Variants in LRP1 observed in about 807,000 individuals in gnomAD.
LRP1 encodes the protein prolow-density lipoprotein receptor-related protein 1.
LRP1 carries 51 observed loss-of-function variants against 541.5 expected under a neutral mutation model. The observed-to-expected ratio is 0.09, with a 90% CI of 0.08 to 0.12. The LOEUF is 0.12. LRP1 is among the 10% of genes least tolerant of loss of function. The pLI is 1.00. For missense variants in LRP1, 3,878 were observed against 6,376.2 expected (o/e 0.61, Z 13.34); for synonymous variants, 2,219 against 2,470.8 (o/e 0.90, Z 3.02).
intron 41 of LRP1, among the ~76,000 whole-genome samples, 162 bp from the exon 42 acceptor site, chr12:57,187,105 C>T (rs964341759): frequency 2.0e-5 from 3 of 152,184 alleles, no homozygotes; most frequent in Admixed American, 2.0e-4. Flanking sequence ...CTGAGTCAGA[C>T]CCTGGTGCCC....
intron 6 of LRP1, among the ~76,000 whole-genome samples, chr12:57,150,697 C>T (rs547192442): frequency 3.9e-5 from 6 of 152,272 alleles, no homozygotes; most frequent in African/African-American, 9.6e-5. Context: ...TGGTGGGAAC[C>T]GCAGCCCCCA....
intron 50 of LRP1, 99 bp from the exon 51 acceptor site, chr12:57,194,886 G>A (rs2036495860): frequency 8.6e-7 from 1 of 1,168,862 alleles, no homozygotes; most frequent in Non-Finnish European, 1.3e-6. Context: ...CCACAGAGGG[G>A]TGCTGTGGGC....
chr12:57,130,540 C>T (rs772554648), intron 1 of LRP1, among the ~76,000 whole-genome samples: 1 of 150,898 alleles, frequency 6.6e-6, no homozygotes, highest in Admixed American at 6.7e-5. Context: ...GTGTTTTTCT[C>T]TTGTTCTCAG....
Position 57,198,941 on chromosome 12 carries a change from G to A in LRP1, c.9676+271G>A, listed in dbSNP as rs12831928. On this transcript the variant is annotated intron_variant, in intron 60 of 88. Coordinates refer to ENST00000243077, the MANE Select transcript of LRP1 (RefSeq NM_002332.3). ...GGCCCCAAGGAGGGTGGGGGTGGGA[G>A]GCCTGCGATTGAGAACTGCAGTGCT... is the stretch of plus-strand genomic sequence containing the variant. 2.7e-4 allele frequency among the ~76,000 whole-genome samples: 41 copies of A among 152,188 alleles called. 1 individual carries two copies. Among genetic ancestry groups the A allele is most frequent in the Non-Finnish European group, 2.9e-5 (2 of 68,026 alleles).
Position 57,198,155 on chromosome 12 carries a change from G to T in LRP1, c.9283-1G>T, listed in dbSNP as rs2136735274. 1 of 1,601,746 alleles carries T rather than the reference G, an allele frequency of 6.2e-7. No homozygotes were observed. The highest frequency in any genetic ancestry group is 8.5e-7 in the Non-Finnish European group (1 of 1,171,556). On this transcript the variant is annotated splice_acceptor_variant, in intron 58 of 88. Coordinates refer to ENST00000243077, the MANE Select transcript of LRP1 (RefSeq NM_002332.3). LOFTEE classifies it high-confidence loss of function. ...TCTCCCTCCCCTGCCCCTTCCTGCAGGTCCTACACCGTACAGGCCTCAGCA... is the reference window on the plus strand; with the variant it reads ...TCTCCCTCCCCTGCCCCTTCCTGCATGTCCTACACCGTACAGGCCTCAGCA...
intron 6 of LRP1, among the ~76,000 whole-genome samples, chr12:57,145,756 C>G (rs899600551): frequency 5.9e-5 from 9 of 152,182 alleles, no homozygotes; most frequent in African/African-American, 2.2e-4. Flanking sequence ...CTCCAGAGAC[C>G]AGGGACTGTC....
At chr12:57,176,216 C>G in intron 24 of LRP1, 110 bp downstream of exon 24, 2 of 1,033,272 alleles carry the variant, frequency 1.9e-6, no homozygotes, top group Non-Finnish European at 2.8e-6. Flanking sequence ...CTCCCCCATC[C>G]CCCACACTTC....
intron 6 of LRP1, among the ~76,000 whole-genome samples, chr12:57,151,087 G>C (rs2035516984): frequency 1.3e-5 from 2 of 152,122 alleles, no homozygotes; most frequent in African/African-American, 2.4e-5. Context: ...CCTTATTTTA[G>C]AGCAGGTGAC....
rs2036489913 is a variant in LRP1 at position 57,194,655 on chromosome 12, A to G, written c.8147A>G (p.Asp2716Gly). ...GRCIPMSWTC[D>G]KEDDCEHGED... ...TGCATCCCCATGAGCTGGACGTGTG[A>G]CAAAGAGGATGACTGTGAACATGGC... Residue 2716 changes from aspartate to glycine, a missense_variant, in exon 50 of 89, where the codon GAC becomes GGC. Physicochemically the swap from Asp to Gly is moderately conservative, Grantham distance 94 (BLOSUM62 -1). This residue lies in a region of LRP1 where 1,100 missense variants were observed against 1,827.4 expected (regional missense o/e 0.60). Transcript: ENST00000243077. 3 of 1,600,406 alleles carry G rather than the reference A, an allele frequency of 1.9e-6. No individual in the cohort carries two copies. Among genetic ancestry groups the G allele is most frequent in the Non-Finnish European group, 1.7e-6 (2 of 1,174,134 alleles).
chr12:57,208,821 T>C lies in LRP1; in HGVS notation c.12145+4T>C. On this transcript the variant is annotated splice_donor_region_variant and intron_variant, in intron 78 of 88. Coordinates refer to ENST00000243077, the MANE Select transcript of LRP1 (RefSeq NM_002332.3). ...GACAACATTCAGTGGCCCACAGGTT[T>C]GTGGGGCAGGGTGCAGGAGGGACGG... 6.2e-7 allele frequency: 1 copy of C among 1,612,070 alleles called. No individual in the cohort carries two copies. The highest frequency in any genetic ancestry group is 1.1e-5 in the South Asian group (1 of 91,046).
In LRP1 at chr12:57,204,440, GCAA is replaced by G; in HGVS notation, c.10988_10990del (p.Asn3663del). The G allele has an allele frequency of 6.4e-7, 1 of 1,554,738 alleles. No homozygotes were observed. The highest frequency in any genetic ancestry group is 8.7e-7 in the Non-Finnish European group (1 of 1,148,394). On this transcript the variant is annotated inframe_deletion, in exon 71 of 89. Transcript: ENST00000243077. This position sits in a 1 kb window ranked among gnomAD's most constrained non-coding sequence, Gnocchi z 5.3. Reference sequence around the variant, plus strand: ...ACCTGCCCCCTGGACGAGTTCCAGTGCAACAACACCTTGTGCAAGCCGCTGGCC... The same window carrying G: ...ACCTGCCCCCTGGACGAGTTCCAGTGCAACACCTTGTGCAAGCCGCTGGCC...
chr12:57,185,703 C>G lies in LRP1; in HGVS notation c.6636C>G (p.Ile2212Met). 6.2e-7 allele frequency: 1 copy of G among 1,614,172 alleles called. No individual in the cohort carries two copies. Residue 2212 changes from isoleucine (I) to methionine (M), a missense_variant, in exon 41 of 89, where the codon ATC becomes ATG. Physicochemically the swap from Ile to Met is conservative, Grantham distance 10. This residue lies in a region of LRP1 where 1,100 missense variants were observed against 1,827.4 expected (regional missense o/e 0.60). Coordinates refer to ENST00000243077, the MANE Select transcript of LRP1 (RefSeq NM_002332.3). This position sits in a 1 kb window ranked among gnomAD's most constrained non-coding sequence, Gnocchi z 4.9. ...LYSERTILKS[I>M]HLSDERNLNA... is the part of the protein sequence containing the mutation. Reference sequence around the variant, plus strand: ...CAGAGCGCACCATTCTCAAGAGTATCCACCTGTCGGATGAGCGCAACCTCA... The same window carrying G: ...CAGAGCGCACCATTCTCAAGAGTATGCACCTGTCGGATGAGCGCAACCTCA...
rs778272616 is a variant in LRP1 at position 57,196,986 on chromosome 12, G to A, written c.8897G>A (p.Arg2966His). 2.5e-6 allele frequency: 4 copies of A among 1,609,550 alleles called. No homozygotes were observed. Among genetic ancestry groups the A allele is most frequent in the Admixed American group, 1.7e-5 (1 of 59,712 alleles). ...CEDLKIGFKC[R>H]CRPGFRLKDD... ...CAAGGCTCCCTGTGCCTGCAGTGCCGCTGTCGCCCTGGCTTCCGGCTGAAG... is the reference window on the plus strand; with the variant it reads ...CAAGGCTCCCTGTGCCTGCAGTGCCACTGTCGCCCTGGCTTCCGGCTGAAG... The change falls in exon 56 of 89, where the codon CGC becomes CAC. Residue 2966 changes from arginine (R) to histidine (H), a missense_variant. By Grantham distance (29) the Arg-to-His change is conservative. Transcript: ENST00000243077.
intron 11 of LRP1, among the ~76,000 whole-genome samples, chr12:57,159,406 G>C (rs1250526227): frequency 1.3e-5 from 2 of 152,212 alleles, no homozygotes; most frequent in African/African-American, 4.8e-5. Context: ...TGGAGTGAAG[G>C]CTTTGGCTAA....
chr12:57,160,202 A>T (rs1480446606), intron 12 of LRP1, among the ~76,000 whole-genome samples, 197 bp downstream of exon 12: 2 of 152,024 alleles, frequency 1.3e-5, no homozygotes, highest in Non-Finnish European at 2.9e-5. Context: ...AAGAAATCTG[A>T]TCCTGTCACT....
chr12:57,175,527 G>T lies in LRP1; in HGVS notation c.3615G>T (p.Val1205=). 2 of 1,614,172 alleles carry T rather than the reference G, an allele frequency of 1.2e-6. No individual in the cohort carries two copies. Among genetic ancestry groups the T allele is most frequent in the Non-Finnish European group, 8.5e-7 (1 of 1,180,034 alleles). Residue 1205 remains valine, a synonymous_variant, in exon 23 of 89, where the codon GTG becomes GTT. Coordinates refer to ENST00000243077, the MANE Select transcript of LRP1 (RefSeq NM_002332.3). ...CAGTGGCACCTGGCGAAGGCATTGT[G>T]TGTTCCTGCCCTCTGGGCATGGAGC... ...NCSVAPGEGI[V]CSCPLGMELG... is the part of the protein sequence containing the mutation.
chr12:57,176,039 G>C lies in LRP1; in HGVS notation c.3924G>C (p.Gln1308His). 1.2e-6 allele frequency: 2 copies of C among 1,614,240 alleles called. No individual in the cohort carries two copies. Among genetic ancestry groups the C allele is most frequent in the Non-Finnish European group, 1.7e-6 (2 of 1,180,056 alleles). Residue 1308 changes from glutamine to histidine, a missense_variant, in exon 24 of 89, where the codon CAG becomes CAC. Gln to His is a conservative substitution (Grantham distance 24). Transcript: ENST00000243077. ...NTIALDFHLS[Q>H]SALYWTDVVE... ...TCGCCCTGGACTTCCACCTCAGCCA[G>C]AGCGCCCTCTACTGGACCGACGTGG...
intron 44 of LRP1, among the ~76,000 whole-genome samples, chr12:57,191,880 A>ACAC (rs2036401378): frequency 1.2e-5 from 1 of 83,992 alleles, no homozygotes; most frequent in African/African-American, 5.9e-5. Flanking sequence ...CACATACCAC[A>ACAC]CACACCCCAC....
intron 41 of LRP1, 47 bp from the exon 42 acceptor site, chr12:57,187,220 T>C: frequency 6.4e-7 from 1 of 1,573,054 alleles, no homozygotes. Context: ...CTGTGCAGGC[T>C]GCCCTCTGGG....
Sources: allele counts gnomAD v4.1 joint callset (sites outside exome capture counted in the v4.1 genomes callset), GRCh38; gene constraint gnomAD v4.1.1; regional missense constraint gnomAD v4.1.1; non-coding constraint Gnocchi (gnomAD v3.1); transcripts MANE v1.5; gene names NCBI Gene and HGNC (gene_info 2026-07-23, HGNC 2026-07-21).